Variants in ASH1L observed in about 807,000 individuals in gnomAD.
ASH1L encodes histone-lysine N-methyltransferase ASH1L.
ASH1L carries 23 observed loss-of-function variants against 269.0 expected under a neutral mutation model. That is an observed-to-expected ratio of 0.09 (90% CI 0.06 to 0.12). The LOEUF (loss-of-function observed/expected upper bound fraction) is 0.12, where lower values mean the gene tolerates loss of function less well. Ranked by LOEUF, ASH1L falls within the 10% of genes least tolerant of loss-of-function variation. The pLI is 1.00. For synonymous variants in ASH1L, 1,187 were observed against 1,253.5 expected (o/e 0.95, Z 1.12); for missense variants, 2,912 against 3,567.8 (o/e 0.82, Z 4.68).
chr1:155,500,715 T>A (rs1391248660), intron 2 of ASH1L, among the ~76,000 whole-genome samples: 1 of 152,194 alleles, frequency 6.6e-6, no homozygotes, highest in Non-Finnish European at 1.5e-5. Context: ...ACACCTGTAA[T>A]CCCAGAATTT....
Position 155,481,113 on chromosome 1 carries a change from C to T in ASH1L, c.1757G>A (p.Ser586Asn), listed in dbSNP as rs902649033. Residue 586 changes from serine to asparagine, a missense_variant, in exon 3 of 28, where the codon AGT becomes AAT. By Grantham distance (46) the Ser-to-Asn change is conservative. Around this residue, in one of 13 missense-constraint regions of ASH1L, gnomAD observed 715 missense variants for 721.0 expected, o/e 0.99. Transcript: ENST00000392403. ...TTCTTCGATTAGTTCTGTAGTAGAA[C>T]TTAAAAGTAATGGATTAGGAGCCAA... ...SQLAPNPLLL[S>N]STTELIEEIS... 4 of 1,614,072 alleles carry T rather than the reference C, an allele frequency of 2.5e-6. No individual in the cohort carries two copies. Among genetic ancestry groups the T allele is most frequent in the Non-Finnish European group, 3.4e-6 (4 of 1,179,982 alleles).
At chr1:155,489,648 C>G (rs1238631125) in intron 2 of ASH1L, among the ~76,000 whole-genome samples, 1 of 151,644 alleles carries the variant, frequency 6.6e-6, no homozygotes, top group Non-Finnish European at 1.5e-5. Context: ...GTCCCAGCTA[C>G]TCGGGAGGCT....
intron 7 of ASH1L, among the ~76,000 whole-genome samples, chr1:155,385,104 G>A (rs1657316827): frequency 6.6e-6 from 1 of 150,600 alleles, no homozygotes; most frequent in Admixed American, 6.6e-5. Flanking sequence ...TAAAAGCTCT[G>A]AACTTTTTAT....
intron 6 of ASH1L, among the ~76,000 whole-genome samples, chr1:155,403,054 G>A (rs1344150895): frequency 7.9e-5 from 12 of 151,424 alleles, no homozygotes; most frequent in African/African-American, 1.2e-4. Flanking sequence ...GTGTGGTAGC[G>A]CACGCCTGTA....
chr1:155,534,510 AT>A (rs1669915910), intron 1 of ASH1L, among the ~76,000 whole-genome samples: 1 of 151,956 alleles, frequency 6.6e-6, no homozygotes, highest in Non-Finnish European at 1.5e-5. Context: ...TTCAACAAAT[AT>A]TTACCAAGTT....
At chr1:155,421,454 C>T (rs186323297) in intron 5 of ASH1L, among the ~76,000 whole-genome samples, 1,643 of 150,476 alleles carry the variant, frequency 0.011, 92 homozygotes, top group Admixed American at 0.088. Context: ...AGGTGGATCA[C>T]GAGATCAGAA....
At chr1:155,340,977 G>GTT (rs1652742598) in intron 25 of ASH1L, among the ~76,000 whole-genome samples, 1 of 151,866 alleles carries the variant, frequency 6.6e-6, no homozygotes, top group Admixed American at 6.6e-5. Flanking sequence ...TGTTGTTGTT[G>GTT]TTGTTTTGTT....
At position 155,342,137 on chromosome 1, in the gene ASH1L, A is replaced by G. The variant is rs2148318695; in HGVS notation, c.8294-35T>C. 2.5e-6 allele frequency: 4 copies of G among 1,606,044 alleles called. No homozygotes were observed. In the South Asian group the frequency reaches 4.4e-5, roughly 18 times the overall value. ...CAACCAGTGTTAAGGAATCCTATTTAGCCATTTCTCCCCCTGAGCTGCCCA... is the reference window on the plus strand; with the variant it reads ...CAACCAGTGTTAAGGAATCCTATTTGGCCATTTCTCCCCCTGAGCTGCCCA... On this transcript the variant is annotated intron_variant, in intron 24 of 27. Coordinates refer to ENST00000392403, the MANE Select transcript of ASH1L (RefSeq NM_018489.3).
rs150870564 is a variant in ASH1L at position 155,378,090 on chromosome 1, C to T, written c.6332+191G>A. On this transcript the variant is annotated intron_variant, in intron 10 of 27. Transcript: ENST00000392403. ...AAAAAAGTAAAAGGATTTAAACCAA[C>T]GAAGGCACACACAAGACTCTAAATC... 1.5e-3 allele frequency among the ~76,000 whole-genome samples: 227 copies of T among 151,990 alleles called. 1 individual carries two copies. Among genetic ancestry groups the T allele is most frequent in the African/African-American group, 4.5e-3 (188 of 41,466 alleles).
At chr1:155,344,303 G>A (rs769820371) in intron 21 of ASH1L, 30 bp from the exon 22 acceptor site, 1 of 1,524,992 alleles carries the variant, frequency 6.6e-7, no homozygotes, top group Non-Finnish European at 9.1e-7. Flanking sequence ...AATGTATAAG[G>A]GCTGGAATTA....
intron 7 of ASH1L, among the ~76,000 whole-genome samples, chr1:155,393,344 A>C (rs1658097949): frequency 6.6e-6 from 1 of 152,194 alleles, no homozygotes; most frequent in African/African-American, 2.4e-5. Context: ...GTTAATCAGA[A>C]TATAAACAAG....
chr1:155,458,072 C>T (rs1663999243), intron 4 of ASH1L, among the ~76,000 whole-genome samples: 1 of 152,180 alleles, frequency 6.6e-6, no homozygotes, highest in Admixed American at 6.5e-5. Context: ...GGCCCATAGG[C>T]TGAGTTTCCT....
intron 17 of ASH1L, among the ~76,000 whole-genome samples, chr1:155,352,112 A>G (rs1653979764): frequency 6.6e-6 from 1 of 151,958 alleles, no homozygotes; most frequent in South Asian, 2.1e-4. Context: ...CATGCTCAGA[A>G]TGCAGTGACA....
At chr1:155,449,992 G>T (rs1224903209) in intron 4 of ASH1L, among the ~76,000 whole-genome samples, 1 of 152,100 alleles carries the variant, frequency 6.6e-6, no homozygotes, top group Non-Finnish European at 1.5e-5. Flanking sequence ...TTCTTTTTCT[G>T]ATAATGTTTA....
intron 3 of ASH1L, among the ~76,000 whole-genome samples, chr1:155,475,387 C>G (rs544265973): frequency 1.3e-5 from 2 of 152,130 alleles, no homozygotes; most frequent in African/African-American, 4.8e-5. Flanking sequence ...CTGGCCACCT[C>G]AGCCTCCCAA....
chr1:155,482,502 T>A (rs890922663), intron 2 of ASH1L, 53 bp from the exon 3 acceptor site: 1 of 1,526,100 alleles, frequency 6.6e-7, no homozygotes, highest in African/African-American at 1.4e-5. Flanking sequence ...TACACCACTT[T>A]AGCTTAGCTT....
At chr1:155,384,181 T>C (rs888002697) in intron 7 of ASH1L, among the ~76,000 whole-genome samples, 9 of 152,208 alleles carry the variant, frequency 5.9e-5, no homozygotes, top group African/African-American at 9.6e-5. Flanking sequence ...GTGTCTTTTT[T>C]TTAAAATTGT....
chr1:155,391,797 G>A lies in ASH1L; in HGVS notation c.6103+3662C>T, dbSNP rs58725044. ...TGGTGAAACCCTATCTTTATCAAAA[G>A]TACAAAAAATTAGCCAAGTGTGGTA... On this transcript the variant is annotated intron_variant, in intron 7 of 27. Coordinates refer to ENST00000392403, the MANE Select transcript of ASH1L (RefSeq NM_018489.3). 5.2e-3 allele frequency among the ~76,000 whole-genome samples: 784 copies of A among 151,840 alleles called. 5 individuals are homozygous for A. Among genetic ancestry groups the A allele is most frequent in the African/African-American group, 0.018 (759 of 41,414 alleles).
intron 5 of ASH1L, chr1:155,433,396 G>A (rs776930180): frequency 2.5e-6 from 4 of 1,605,840 alleles, no homozygotes; most frequent in Non-Finnish European, 3.4e-6. Flanking sequence ...TCTGTGGGGG[G>A]ATGGCGTACT....
Sources: gnomAD v4.1 joint callset for allele counts (sites outside exome capture counted in the v4.1 genomes callset) on GRCh38, gnomAD v4.1.1 for gene constraint, gnomAD v4.1.1 regional missense constraint, MANE v1.5 for transcripts, NCBI Gene and HGNC (gene_info 2026-07-23, HGNC 2026-07-21) for gene names.